Variants in BAZ2B observed in about 807,000 individuals in gnomAD.
BAZ2B encodes the protein bromodomain adjacent to zinc finger domain 2B.
A neutral mutation model predicts 246.0 loss-of-function variants in BAZ2B; 91 were observed. The observed-to-expected ratio is 0.37, with a 90% CI of 0.31 to 0.44. The LOEUF is 0.44. Among genes scored for constraint, BAZ2B ranks in the 20% least tolerant of loss-of-function variants. The pLI, the probability that BAZ2B is intolerant of heterozygous loss-of-function variation, is 1.00. For synonymous variants in BAZ2B, 855 were observed against 860.0 expected, an observed-to-expected ratio of 0.99 and a Z score of 0.10; for missense variants, 2,332 against 2,533.7, an observed-to-expected ratio of 0.92 and a Z score of 1.71.
chr2:159,562,477 T>C (rs1292425501), intron 1 of BAZ2B, among the ~76,000 whole-genome samples: 1 of 152,232 alleles, frequency 6.6e-6, no homozygotes, highest in African/African-American at 2.4e-5. Flanking sequence ...TCATTCCCTC[T>C]TAAGTTTCCA....
intron 1 of BAZ2B, among the ~76,000 whole-genome samples, chr2:159,582,414 A>G (rs934739829): frequency 1.3e-5 from 2 of 152,178 alleles, no homozygotes; most frequent in Non-Finnish European, 2.9e-5. Context: ...GTAAGTTCAC[A>G]TACTTTTTTT....
chr2:159,320,495 G>A lies in BAZ2B; in HGVS notation c.6354-77C>T. The stretch of plus-strand genomic sequence containing the variant: ...GTAAACAAATGAAGAGTTAATAAAG[G>A]GTAAAAATGAAAGAAAAATGATTAG... On this transcript the variant is annotated intron_variant, in intron 36 of 36. Coordinates refer to ENST00000392783, the MANE Select transcript of BAZ2B (RefSeq NM_013450.4). The A allele has an allele frequency of 7.2e-6, 9 of 1,250,852 alleles. No individual in the cohort carries two copies. In the East Asian group the frequency reaches 8.5e-5, roughly 12 times the overall value. The allele number at this position is 1,250,852 out of a possible 1,614,324, so 77.5% of individuals were successfully genotyped here. A position where few individuals can be genotyped will look rare whatever the true frequency, so the allele number is the denominator to read the frequency against.
the BAZ2B span, among the ~76,000 whole-genome samples, chr2:159,684,006 C>T: frequency 2.5e-3 from 388 of 152,310 alleles, 2 homozygotes; most frequent in African/African-American, 9.0e-3. Context: ...TGCTAGCAAC[C>T]ACTGCTGTTA....
intron 25 of BAZ2B, among the ~76,000 whole-genome samples, chr2:159,379,141 A>G (rs976908502): frequency 4.6e-5 from 7 of 152,214 alleles, no homozygotes; most frequent in African/African-American, 1.2e-4. Context: ...ATATATATAT[A>G]CAGTGAATAT....
At chr2:159,568,310 T>C (rs930191317) in intron 1 of BAZ2B, among the ~76,000 whole-genome samples, 3 of 152,050 alleles carry the variant, frequency 2.0e-5, no homozygotes, top group Non-Finnish European at 4.4e-5. Context: ...CAGAAAAAGG[T>C]AGATATTAAA....
intron 3 of BAZ2B, chr2:159,462,443 C>T (rs769121794): frequency 2.4e-6 from 3 of 1,226,048 alleles, no homozygotes; most frequent in Non-Finnish European, 3.6e-6. Flanking sequence ...AATCTTGTTC[C>T]AGTCAATTTT....
intron 27 of BAZ2B, 27 bp from the exon 28 acceptor site, chr2:159,350,384 A>G (rs1246076595): frequency 2.7e-6 from 4 of 1,464,844 alleles, no homozygotes; most frequent in African/African-American, 1.4e-5. Flanking sequence ...CATTATGAAC[A>G]TCAGTTACTC....
intron 36 of BAZ2B, among the ~76,000 whole-genome samples, chr2:159,322,771 T>G (rs1365388305): frequency 6.6e-6 from 1 of 152,146 alleles, no homozygotes; most frequent in African/African-American, 2.4e-5. Context: ...GTTTAAAAAT[T>G]TGAAATATGG....
At chr2:159,599,595 G>A (rs1034843068) in intron 1 of BAZ2B, among the ~76,000 whole-genome samples, 7 of 151,182 alleles carry the variant, frequency 4.6e-5, no homozygotes, top group African/African-American at 1.7e-4. Context: ...TCCAGCCTGG[G>A]CAACAAGAGG....
At chr2:159,662,245 G>GA in the BAZ2B span, among the ~76,000 whole-genome samples, 4 of 152,116 alleles carry the variant, frequency 2.6e-5, no homozygotes, top group African/African-American at 9.7e-5. Flanking sequence ...TCTGTTGATG[G>GA]ACATTTAGTT....
At position 159,607,977 on chromosome 2, in the gene BAZ2B, T is replaced by C. The variant is rs146138611; in HGVS notation, c.-46+8265A>G. On this transcript the variant is annotated intron_variant, in intron 1 of 36. Coordinates refer to ENST00000392783, the MANE Select transcript of BAZ2B (RefSeq NM_013450.4). ...ATTATTAATACTAGAATAATACAAA[T>C]GTATCAAATATGTGCAATTCTGTGG... is the stretch of plus-strand genomic sequence containing the variant. Among the ~76,000 whole-genome samples the C allele has an allele frequency of 6.1e-3, 925 of 152,322 alleles. 7 individuals carry two copies. The highest frequency in any genetic ancestry group is 0.021 in the African/African-American group (883 of 41,562).
intron 8 of BAZ2B, 105 bp from the exon 9 acceptor site, chr2:159,433,468 T>C (rs1442996119): frequency 3.9e-6 from 4 of 1,036,692 alleles, no homozygotes; most frequent in East Asian, 2.6e-5. Context: ...TTATATCATA[T>C]ATAAATTTAA....
At chr2:159,566,711 T>C (rs1247252272) in intron 1 of BAZ2B, among the ~76,000 whole-genome samples, 1 of 152,234 alleles carries the variant, frequency 6.6e-6, no homozygotes, top group Non-Finnish European at 1.5e-5. Context: ...TAAAGACTAC[T>C]AATTACGTAT....
chr2:159,653,111 T>A, the BAZ2B span, among the ~76,000 whole-genome samples: 83 of 152,056 alleles, frequency 5.5e-4, no homozygotes, highest in Non-Finnish European at 1.1e-3. Context: ...CTAATTTTTT[T>A]ATACTTTTTG....
At chr2:159,361,906 G>A (rs2059740362) in intron 27 of BAZ2B, among the ~76,000 whole-genome samples, 3 of 150,730 alleles carry the variant, frequency 2.0e-5, no homozygotes, top group African/African-American at 7.4e-5. Context: ...GTTGAACGAT[G>A]AGAACACATG....
At chr2:159,615,383 A>T (rs2151838799) in intron 1 of BAZ2B, 1 of 152,466 alleles carries the variant, frequency 6.6e-6, no homozygotes, top group East Asian at 1.9e-4. Context: ...ACATGAGACC[A>T]AGGCACAGAC....
the BAZ2B span, among the ~76,000 whole-genome samples, chr2:159,668,347 A>G: frequency 6.6e-6 from 1 of 152,122 alleles, no homozygotes; most frequent in African/African-American, 2.4e-5. Context: ...ATTTGTTACA[A>G]TGTTAAATAC....
chr2:159,394,546 A>G (rs758609430), intron 20 of BAZ2B, among the ~76,000 whole-genome samples: 1 of 152,204 alleles, frequency 6.6e-6, no homozygotes, highest in Non-Finnish European at 1.5e-5. Context: ...CCTTTAGGAA[A>G]CGTCACAGAA....
At chr2:159,332,997 A>G in intron 33 of BAZ2B, 1 of 200,182 alleles carries the variant, frequency 5.0e-6, no homozygotes, top group Admixed American at 5.7e-5. Context: ...ATGACATTAG[A>G]GCACATAAAG....
Sources: gnomAD v4.1 joint callset for allele counts (sites outside exome capture counted in the v4.1 genomes callset) on GRCh38, gnomAD v4.1.1 for gene constraint, MANE v1.5 for transcripts, NCBI Gene and HGNC (gene_info 2026-07-23, HGNC 2026-07-21) for gene names.